NSD3: variants seen among roughly 807,000 people sequenced by gnomAD.
The protein encoded by NSD3 is histone-lysine N-methyltransferase NSD3.
A neutral mutation model predicts 160.8 loss-of-function variants in NSD3; 24 were observed. The ratio of observed to expected loss-of-function variants is 0.15; its 90% confidence interval spans 0.11 to 0.21. The LOEUF is 0.21. Ranked by LOEUF, NSD3 falls within the 10% of genes least tolerant of loss-of-function variation. The pLI is 1.00. For missense variants in NSD3, 1,157 were observed against 1,735.9 expected, an observed-to-expected ratio of 0.67 and a Z score of 5.93; for synonymous variants, 520 against 600.0, an observed-to-expected ratio of 0.87 and a Z score of 1.95.
chr8:38,290,695 T>C lies in NSD3; in HGVS notation c.2916-18A>G. 1 of 1,611,966 alleles carries C rather than the reference T, an allele frequency of 6.2e-7. No individual in the cohort carries two copies. Among genetic ancestry groups the C allele is most frequent in the African/African-American group, 1.3e-5 (1 of 74,908 alleles). ...GCCACCATCTGAAAACAAAAGCAAT[T>C]TTAGATCAAGAGGGCAAAAACGAAA... On this transcript the variant is annotated intron_variant, in intron 16 of 23. Transcript: ENST00000317025.
In NSD3 at chr8:38,275,697, T is replaced by G. The variant is rs1808583197; in HGVS notation, c.4258A>C (p.Ser1420Arg). ...PMAPVSPEYW[S>R]KIKCKWESQD... ...GATTCCCATTTACATTTTATCTTGC[T>G]CCAGTATTCTGGTGACACAGGAGCC... Residue 1420 changes from serine to arginine, a missense_variant, in exon 24 of 24, where the codon AGC becomes CGC. This residue lies in a region of NSD3 where 222 missense variants were observed against 409.9 expected (regional missense o/e 0.54). Coordinates refer to ENST00000317025, the MANE Select transcript of NSD3 (RefSeq NM_023034.2). 6.2e-7 allele frequency: 1 copy of G among 1,614,110 alleles called. No homozygotes were observed. Among genetic ancestry groups the G allele is most frequent in the South Asian group, 1.1e-5 (1 of 91,086 alleles).
chr8:38,376,096 AT>A (rs1009098698), intron 1 of NSD3, among the ~76,000 whole-genome samples: 1 of 151,590 alleles, frequency 6.6e-6, no homozygotes. Context: ...CAATGTCTCT[AT>A]TTTTTTTCCA....
In NSD3 at chr8:38,288,226, C is replaced by A. The variant is rs563870093; in HGVS notation, c.3501+261G>T. Among the ~76,000 whole-genome samples the A allele has an allele frequency of 2.0e-5, 3 of 152,210 alleles. No individual in the cohort carries two copies. Among genetic ancestry groups the A allele is most frequent in the Non-Finnish European group, 2.9e-5 (2 of 67,998 alleles). ...AAACAATAAAAAAAACAAGTAAAAA[C>A]CATTTCACATAGAAATTACCAGTGT... is the stretch of plus-strand genomic sequence containing the variant. On this transcript the variant is annotated intron_variant, in intron 19 of 23. Coordinates refer to ENST00000317025, the MANE Select transcript of NSD3 (RefSeq NM_023034.2). This position sits in a 1 kb window ranked among gnomAD's most constrained non-coding sequence, Gnocchi z 4.5.
chr8:38,350,973 CTTTT>C (rs35184943), intron 1 of NSD3, among the ~76,000 whole-genome samples: 4 of 134,148 alleles, frequency 3.0e-5, no homozygotes, highest in East Asian at 4.4e-4. Context: ...CTAGAAAGTT[CTTTT>C]TTTTTTTTTT....
chr8:38,279,795 C>CCT (rs1235148864), intron 20 of NSD3, 114 bp from the exon 21 acceptor site: 14 of 1,184,192 alleles, frequency 1.2e-5, no homozygotes, highest in South Asian at 8.2e-5. Flanking sequence ...TGTTTGACAA[C>CCT]TGACAGATCA....
chr8:38,328,873 G>A (rs1398758494), intron 6 of NSD3, among the ~76,000 whole-genome samples: 4 of 152,164 alleles, frequency 2.6e-5, no homozygotes, highest in African/African-American at 7.2e-5. Flanking sequence ...AATTGTTACA[G>A]AACAAACACA....
intron 1 of NSD3, among the ~76,000 whole-genome samples, chr8:38,368,208 C>T (rs1811153975): frequency 6.6e-6 from 1 of 152,194 alleles, no homozygotes; most frequent in Non-Finnish European, 1.5e-5. Flanking sequence ...GATCCACTCG[C>T]CTTGGCCTCC....
rs181349024 is a variant in NSD3, at chr8:38,314,893, G to A, written c.2116-120C>T. The A allele has an allele frequency of 1.4e-4, 160 of 1,114,604 alleles. 2 individuals are homozygous for A. In the African/African-American group the frequency reaches 2.2e-3, roughly 16 times the overall value. The allele number at this position is 1,114,604 out of a possible 1,614,324, so 69.0% of individuals were successfully genotyped here. On this transcript the variant is annotated intron_variant, in intron 11 of 23. Transcript: ENST00000317025. ...CACAGACTGTGATTCAGTAGGTCTGGCGGGGGCCCCAAGAATGTGCATTTC... is the reference window on the plus strand; with the variant it reads ...CACAGACTGTGATTCAGTAGGTCTGACGGGGGCCCCAAGAATGTGCATTTC...
intron 1 of NSD3, among the ~76,000 whole-genome samples, chr8:38,351,860 G>A (rs1170353959): frequency 6.6e-6 from 1 of 151,668 alleles, no homozygotes; most frequent in African/African-American, 2.4e-5. Context: ...ATCACACACC[G>A]GGGCCTGTTG....
At chr8:38,370,452 A>T (rs1811217168) in intron 1 of NSD3, among the ~76,000 whole-genome samples, 1 of 151,844 alleles carries the variant, frequency 6.6e-6, no homozygotes. Flanking sequence ...TTATAATTCA[A>T]AAAAATATAC....
At chr8:38,283,963 TGTG>T (rs1206174089) in intron 19 of NSD3, among the ~76,000 whole-genome samples, 1 of 151,976 alleles carries the variant, frequency 6.6e-6, no homozygotes, top group African/African-American at 2.4e-5. Context: ...ATCAGCCAGG[TGTG>T]GTGGTGCATG....
chr8:38,306,798 T>C (rs1020933507), intron 12 of NSD3, among the ~76,000 whole-genome samples: 3 of 152,044 alleles, frequency 2.0e-5, no homozygotes, highest in African/African-American at 4.8e-5. Context: ...ATCAGGTAAA[T>C]GCTAACTGAA....
chr8:38,320,925 C>G lies in NSD3; in HGVS notation c.1809+147G>C, dbSNP rs149126426. The G allele has an allele frequency of 3.8e-5, 24 of 631,148 alleles. No individual in the cohort carries two copies. The African/African-American group carries it at 4.3e-4, about 11-fold the overall frequency. The allele number at this position is 631,148 out of a possible 1,614,324, so 39.1% of individuals were successfully genotyped here. A position where few individuals can be genotyped will look rare whatever the true frequency, so the allele number is the denominator to read the frequency against. Reference sequence around the variant, plus strand: ...CAGGGATGGCTGTATTAAAACTGAGCACTGGAACCCACCAGGACAGAAGCG... The same window carrying G: ...CAGGGATGGCTGTATTAAAACTGAGGACTGGAACCCACCAGGACAGAAGCG... On this transcript the variant is annotated intron_variant, in intron 8 of 23. Coordinates refer to ENST00000317025, the MANE Select transcript of NSD3 (RefSeq NM_023034.2).
At chr8:38,292,695 A>T (rs1809026812) in intron 16 of NSD3, among the ~76,000 whole-genome samples, 1 of 152,158 alleles carries the variant, frequency 6.6e-6, no homozygotes, top group African/African-American at 2.4e-5. Context: ...AGGCTGCGGC[A>T]GGAGAATGGC....
chr8:38,278,641 T>C (rs912883673), intron 21 of NSD3, among the ~76,000 whole-genome samples: 1 of 152,214 alleles, frequency 6.6e-6, no homozygotes, highest in African/African-American at 2.4e-5. Context: ...AGAAGTCATG[T>C]CCTTTTCACA....
intron 18 of NSD3, among the ~76,000 whole-genome samples, chr8:38,289,103 C>A (rs192963424): frequency 1.3e-5 from 2 of 152,072 alleles, no homozygotes; most frequent in East Asian, 3.9e-4. Flanking sequence ...CCTGGTAGAA[C>A]AAGAACAGGA....
chr8:38,282,015 AG>A (rs1808743991), intron 19 of NSD3, among the ~76,000 whole-genome samples: 1 of 152,228 alleles, frequency 6.6e-6, no homozygotes, highest in Non-Finnish European at 1.5e-5. Context: ...TGACATTCAG[AG>A]GAAGTGGCAA....
In NSD3 at chr8:38,275,096, A is replaced by G. The variant is rs1487253270; in HGVS notation, c.*545T>C. On this transcript the variant is annotated 3_prime_UTR_variant, in exon 24 of 24. Transcript: ENST00000317025. The stretch of plus-strand genomic sequence containing the variant: ...GCCTATGAAAAGCATTTTGAAGGGA[A>G]AGAGAAGTGAGCCTACCTACTGCTC... 2 of 232,488 alleles carry G rather than the reference A, an allele frequency of 8.6e-6. No individual in the cohort carries two copies. The highest frequency in any genetic ancestry group is 4.4e-5 in the African/African-American group (2 of 45,290). 14.4% of individuals were successfully genotyped at this position (232,488 alleles called of 1,614,324 possible).
intron 16 of NSD3, among the ~76,000 whole-genome samples, chr8:38,293,158 A>C (rs1258426730): frequency 6.6e-6 from 1 of 151,774 alleles, no homozygotes; most frequent in Non-Finnish European, 1.5e-5. Flanking sequence ...AAAAAGAAAA[A>C]GAAAAAGAAG....
Sources: gnomAD v4.1 joint callset for allele counts (sites outside exome capture counted in the v4.1 genomes callset) on GRCh38, gnomAD v4.1.1 for gene constraint, gnomAD v4.1.1 regional missense constraint, Gnocchi (gnomAD v3.1) non-coding constraint, MANE v1.5 for transcripts, NCBI Gene and HGNC (gene_info 2026-07-23, HGNC 2026-07-21) for gene names.